MAP4K3: variants seen among roughly 807,000 people sequenced by gnomAD.
MAP4K3 encodes the protein mitogen-activated protein kinase kinase kinase kinase 3.
Under a neutral mutation model 143.5 loss-of-function variants are expected in MAP4K3, and 94 were observed. That is an observed-to-expected ratio of 0.65 (90% CI 0.55 to 0.78). The LOEUF (loss-of-function observed/expected upper bound fraction) is 0.78. Among genes scored for constraint, MAP4K3 ranks in the 30% least tolerant of loss-of-function variants. The probability of loss-of-function intolerance (pLI) is 0.00; values close to 1 mark genes in which losing one functional copy is unlikely to be tolerated. For missense variants in MAP4K3, 1,077 were observed against 1,068.1 expected, an observed-to-expected ratio of 1.01 and a Z score of -0.12; for synonymous variants, 416 against 347.2, an observed-to-expected ratio of 1.20 and a Z score of -2.20.
At chr2:39,343,486 C>A (rs1245965482) in intron 3 of MAP4K3, 34 bp from the exon 4 acceptor site, 1 of 1,575,984 alleles carries the variant, frequency 6.3e-7, no homozygotes, top group South Asian at 1.1e-5. Flanking sequence ...ATCATATTTT[C>A]ATGATTAAAA....
intron 1 of MAP4K3, among the ~76,000 whole-genome samples, chr2:39,399,099 C>T (rs986025265): frequency 2.7e-5 from 4 of 149,440 alleles, no homozygotes; most frequent in Non-Finnish European, 5.9e-5. Flanking sequence ...GAAATGCAAT[C>T]ACACTTATCA....
At chr2:39,337,083 C>T in intron 5 of MAP4K3, 116 bp from the exon 6 acceptor site, 1 of 513,818 alleles carries the variant, frequency 1.9e-6, no homozygotes, top group Non-Finnish European at 3.6e-6. Context: ...TACAGGAGAT[C>T]TAGTACTAAT....
intron 15 of MAP4K3, among the ~76,000 whole-genome samples, chr2:39,303,802 G>T (rs1682597486): frequency 6.6e-6 from 1 of 152,200 alleles, no homozygotes; most frequent in African/African-American, 2.4e-5. Flanking sequence ...CTCCGAAAGT[G>T]CTGGGATTAT....
In MAP4K3 at chr2:39,265,196, T is replaced by C. The variant is rs73924822; in HGVS notation, c.2136+7A>G. On this transcript the variant is annotated splice_region_variant and intron_variant, in intron 28 of 33. Transcript: ENST00000263881. ...TAAGAATAAGATAGTCTGACTTTTA[T>C]GCTTACCTTAATTAACATAAATTTC... 92 of 1,554,442 alleles carry C rather than the reference T, an allele frequency of 5.9e-5. No homozygotes were observed. The African/African-American group carries it at 1.0e-3, about 17-fold the overall frequency.
intron 17 of MAP4K3, 111 bp from the exon 18 acceptor site, chr2:39,292,937 A>T (rs1377555436): frequency 2.2e-6 from 2 of 895,350 alleles, no homozygotes; most frequent in East Asian, 4.9e-5. Flanking sequence ...TTATTTCTGC[A>T]TCTTTATAGG....
chr2:39,420,469 T>G (rs72931126), intron 1 of MAP4K3, among the ~76,000 whole-genome samples: 1,565 of 152,190 alleles, frequency 0.01, 18 homozygotes, highest in African/African-American at 0.036. Context: ...TAGGCTGGAG[T>G]GCAGTACTGC....
intron 12 of MAP4K3, among the ~76,000 whole-genome samples, chr2:39,318,091 T>C (rs566609376): frequency 1.3e-5 from 2 of 152,270 alleles, no homozygotes; most frequent in Admixed American, 1.3e-4. Context: ...TAGTGTCCTC[T>C]GCAGCAACAA....
chr2:39,270,515 G>A (rs1372506128), intron 26 of MAP4K3, among the ~76,000 whole-genome samples: 2 of 152,152 alleles, frequency 1.3e-5, no homozygotes, highest in Admixed American at 6.6e-5. Context: ...TGCTGTGGTA[G>A]GTACTTTACA....
At chr2:39,311,849 T>A (rs1682947820) in intron 13 of MAP4K3, among the ~76,000 whole-genome samples, 1 of 152,214 alleles carries the variant, frequency 6.6e-6, no homozygotes, top group Non-Finnish European at 1.5e-5. Flanking sequence ...CAATAAATGT[T>A]TATTGTTTAA....
intron 2 of MAP4K3, among the ~76,000 whole-genome samples, chr2:39,372,233 A>G (rs1009742726): frequency 1.3e-5 from 2 of 151,750 alleles, no homozygotes; most frequent in African/African-American, 4.8e-5. Context: ...AACCAAAAAA[A>G]TGAAAGATCT....
Position 39,297,941 on chromosome 2 carries a change from A to G in MAP4K3, c.1178+1802T>C, listed in dbSNP as rs561098296. ...TAACTATACACTACGAAAATGTCTA[A>G]CAATCAGAAATCAGACAATGGAAAC... is the stretch of plus-strand genomic sequence containing the variant. On this transcript the variant is annotated intron_variant, in intron 16 of 33. Coordinates refer to ENST00000263881, the MANE Select transcript of MAP4K3 (RefSeq NM_003618.4). Among the ~76,000 whole-genome samples the G allele has an allele frequency of 6.6e-5, 10 of 152,342 alleles. No individual in the cohort carries two copies. In the East Asian group the frequency reaches 1.9e-3, roughly 29 times the overall value.
chr2:39,376,824 T>C (rs1666230418), intron 2 of MAP4K3, among the ~76,000 whole-genome samples: 1 of 152,220 alleles, frequency 6.6e-6, no homozygotes. Context: ...TGATTAAAAA[T>C]GAAGGCCCTG....
rs578175829 is a variant in MAP4K3, at chr2:39,288,110, T to G, written c.1474+11A>C. 1.0e-3 allele frequency: 1,693 copies of G among 1,613,746 alleles called. 32 individuals carry two copies. The South Asian group carries it at 0.017, about 16-fold the overall frequency. ...CCTGGTAACATATTTGCTGTCACCC[T>G]CCACCATTACCTAAGGCAACAGGTT... On this transcript the variant is annotated intron_variant, in intron 20 of 33. Transcript: ENST00000263881.
At chr2:39,296,281 A>C (rs1371677698) in intron 16 of MAP4K3, among the ~76,000 whole-genome samples, 3 of 152,198 alleles carry the variant, frequency 2.0e-5, no homozygotes, top group Non-Finnish European at 4.4e-5. Flanking sequence ...AATATGGCTA[A>C]ATTTGCTAAA....
At chr2:39,380,698 G>C (rs1185412709) in intron 1 of MAP4K3, among the ~76,000 whole-genome samples, 1 of 152,086 alleles carries the variant, frequency 6.6e-6, no homozygotes, top group East Asian at 1.9e-4. Context: ...TCATCATGCT[G>C]TTCTTGACTT....
intron 20 of MAP4K3, 76 bp from the exon 21 acceptor site, chr2:39,287,040 G>GA (rs1681811851): frequency 5.0e-6 from 4 of 805,906 alleles, no homozygotes; most frequent in South Asian, 1.9e-5. Flanking sequence ...AAGTAGGAAA[G>GA]AAAAAATATT....
At chr2:39,381,956 C>T (rs1446921635) in intron 1 of MAP4K3, among the ~76,000 whole-genome samples, 3 of 152,168 alleles carry the variant, frequency 2.0e-5, no homozygotes, top group African/African-American at 4.8e-5. Flanking sequence ...CACATACTCC[C>T]ATAGGTTCTG....
rs1476708339 is a variant in MAP4K3, at chr2:39,280,034, G to A, written c.1714+238C>T. ...TTCTGGAGGAAACTAGGGTGGCTCA[G>A]AATACATGGCTTCACTATACTGATA... On this transcript the variant is annotated intron_variant, in intron 23 of 33. Transcript: ENST00000263881. 2.0e-5 allele frequency among the ~76,000 whole-genome samples: 3 copies of A among 152,090 alleles called. No homozygotes were observed. The South Asian group carries it at 6.2e-4, about 32-fold the overall frequency.
At chr2:39,412,749 A>G (rs1667266015) in intron 1 of MAP4K3, among the ~76,000 whole-genome samples, 1 of 152,240 alleles carries the variant, frequency 6.6e-6, no homozygotes, top group Admixed American at 6.5e-5. Context: ...TTTGTTATTT[A>G]AACTTCACAA....
Sources: allele counts gnomAD v4.1 joint callset (sites outside exome capture counted in the v4.1 genomes callset), GRCh38; gene constraint gnomAD v4.1.1; transcripts MANE v1.5; gene names NCBI Gene and HGNC (gene_info 2026-07-23, HGNC 2026-07-21).